Variants in NAALADL2 observed in about 807,000 individuals in gnomAD.
NAALADL2 encodes inactive N-acetylated-alpha-linked acidic dipeptidase-like protein 2.
NAALADL2 carries 76 observed loss-of-function variants against 87.2 expected under a neutral mutation model. The ratio of observed to expected loss-of-function variants is 0.87; its 90% CI spans 0.72 to 1.05. The LOEUF is 1.05. NAALADL2 is among the 50% of genes least tolerant of loss of function. The pLI is 0.00. For synonymous variants in NAALADL2, 354 were observed against 331.0 expected (o/e 1.07, Z -0.75); for missense variants, 1,089 against 945.8 (o/e 1.15, Z -1.99).
At chr3:175,707,768 T>C (rs1281706418) in intron 11 of NAALADL2, among the ~76,000 whole-genome samples, 1 of 152,088 alleles carries the variant, frequency 6.6e-6, no homozygotes, top group African/African-American at 2.4e-5. Context: ...TCAGAAAATA[T>C]ACAGTGTAAA....
chr3:175,049,944 TC>T (rs1755156720), intron 1 of NAALADL2, among the ~76,000 whole-genome samples: 1 of 152,160 alleles, frequency 6.6e-6, no homozygotes, highest in African/African-American at 2.4e-5. Flanking sequence ...AAAATAATAA[TC>T]CCCAGCTGGG....
At chr3:175,370,496 A>G (rs1766329722) in intron 5 of NAALADL2, among the ~76,000 whole-genome samples, 1 of 148,490 alleles carries the variant, frequency 6.7e-6, no homozygotes, top group African/African-American at 2.5e-5. Context: ...TACTGCCAAT[A>G]TATGGGGGGG....
chr3:175,447,875 G>A (rs540458580), intron 6 of NAALADL2, among the ~76,000 whole-genome samples: 3 of 152,290 alleles, frequency 2.0e-5, no homozygotes, highest in East Asian at 1.9e-4. Flanking sequence ...GTTGGACCAC[G>A]TAGGATGAAA....
chr3:174,698,978 T>TATAC (rs1264255838), intron 2 of NAALADL2, among the ~76,000 whole-genome samples: 5 of 148,360 alleles, frequency 3.4e-5, no homozygotes, highest in African/African-American at 1.3e-4. Flanking sequence ...TATATATATA[T>TATAC]ACATTTCTTT....
chr3:174,906,004 G>A (rs1432512050), intron 1 of NAALADL2, among the ~76,000 whole-genome samples: 2 of 151,730 alleles, frequency 1.3e-5, no homozygotes, highest in Admixed American at 6.6e-5. Flanking sequence ...TTTTTTTCTC[G>A]ATTCTTTATC....
At chr3:175,666,973 T>C (rs558687980) in intron 11 of NAALADL2, among the ~76,000 whole-genome samples, 1 of 152,124 alleles carries the variant, frequency 6.6e-6, no homozygotes, top group South Asian at 2.1e-4. Flanking sequence ...ATATACTTAG[T>C]ACAGGGTATG....
At chr3:175,386,325 C>T (rs1199974489) in intron 5 of NAALADL2, among the ~76,000 whole-genome samples, 1 of 151,678 alleles carries the variant, frequency 6.6e-6, no homozygotes, top group African/African-American at 2.4e-5. Context: ...TTTCACAGTA[C>T]AGTTGTTGCT....
intron 3 of NAALADL2, among the ~76,000 whole-genome samples, chr3:175,236,337 G>A (rs948846192): frequency 1.4e-4 from 21 of 152,072 alleles, no homozygotes; most frequent in African/African-American, 4.1e-4. Context: ...CCTGAGGTTA[G>A]GAGTTCGAGA....
chr3:174,514,624 A>G (rs1286179834), intron 1 of NAALADL2, among the ~76,000 whole-genome samples: 1 of 152,124 alleles, frequency 6.6e-6, no homozygotes, highest in Non-Finnish European at 1.5e-5. Context: ...TACATTGTAG[A>G]TCCTATTTCA....
At chr3:174,850,323 A>T (rs1440424404) in intron 3 of NAALADL2, among the ~76,000 whole-genome samples, 1 of 152,110 alleles carries the variant, frequency 6.6e-6, no homozygotes, top group Non-Finnish European at 1.5e-5. Context: ...TTTTAGATTA[A>T]GTATCCTTTC....
chr3:175,025,345 A>G (rs1270296250), intron 1 of NAALADL2, among the ~76,000 whole-genome samples: 1 of 152,158 alleles, frequency 6.6e-6, no homozygotes, highest in African/African-American at 2.4e-5. Flanking sequence ...GACACAGAAT[A>G]GTGGGTGGTT....
At chr3:175,668,658 T>C (rs1733535831) in intron 11 of NAALADL2, among the ~76,000 whole-genome samples, 1 of 152,184 alleles carries the variant, frequency 6.6e-6, no homozygotes, top group South Asian at 2.1e-4. Context: ...TCTCATGATT[T>C]CTGTCCCCTT....
chr3:175,505,551 T>G (rs1451485442), intron 9 of NAALADL2, among the ~76,000 whole-genome samples: 1 of 152,200 alleles, frequency 6.6e-6, no homozygotes, highest in South Asian at 2.1e-4. Context: ...TATTTTTTTT[T>G]GTTGACTTTT....
intron 1 of NAALADL2, among the ~76,000 whole-genome samples, chr3:174,490,053 A>G (rs1718087487): frequency 6.6e-6 from 1 of 152,064 alleles, no homozygotes; most frequent in African/African-American, 2.4e-5. Flanking sequence ...TGCTAGCTAT[A>G]TATGAAAAAA....
At chr3:175,705,306 A>C (rs1295846000) in intron 11 of NAALADL2, among the ~76,000 whole-genome samples, 1 of 152,112 alleles carries the variant, frequency 6.6e-6, no homozygotes, top group African/African-American at 2.4e-5. Flanking sequence ...TCTTCTCCTA[A>C]AACCCATCGT....
intron 2 of NAALADL2, among the ~76,000 whole-genome samples, chr3:174,693,848 G>C (rs1728799793): frequency 6.6e-6 from 1 of 152,096 alleles, no homozygotes; most frequent in Non-Finnish European, 1.5e-5. Flanking sequence ...TCTAGTCACA[G>C]ATCATTTAGC....
chr3:174,888,062 TA>T (rs1486920937), intron 1 of NAALADL2, among the ~76,000 whole-genome samples: 6 of 152,162 alleles, frequency 3.9e-5, no homozygotes, highest in Admixed American at 1.3e-4. Context: ...CAGGATATAA[TA>T]TTGACCTGAT....
chr3:175,449,438 C>G (rs2149229773), intron 6 of NAALADL2, among the ~76,000 whole-genome samples: 1 of 145,486 alleles, frequency 6.9e-6, no homozygotes, highest in South Asian at 2.2e-4. Flanking sequence ...CTCTGTCTCC[C>G]AGACTGCAGT....
intron 12 of NAALADL2, among the ~76,000 whole-genome samples, chr3:175,754,234 T>A (rs913568683): frequency 2.0e-5 from 3 of 152,210 alleles, no homozygotes; most frequent in Non-Finnish European, 2.9e-5. Context: ...ATTTTACAGA[T>A]GAGGGCACTG....
Sources: allele counts gnomAD v4.1 joint callset (sites outside exome capture counted in the v4.1 genomes callset), GRCh38; gene constraint gnomAD v4.1.1; transcripts MANE v1.5; gene names NCBI Gene and HGNC (gene_info 2026-07-23, HGNC 2026-07-21).